EIF2AK1: variants seen among roughly 807,000 people sequenced by gnomAD.
EIF2AK1 encodes eukaryotic translation initiation factor 2-alpha kinase 1.
EIF2AK1 carries 54 observed loss-of-function variants against 77.9 expected under a neutral mutation model. The observed-to-expected ratio is 0.69, with a 90% CI of 0.56 to 0.87. EIF2AK1 has a LOEUF of 0.87. Among genes scored for constraint, EIF2AK1 ranks in the 40% least tolerant of loss-of-function variants. The pLI is 0.00. For synonymous variants in EIF2AK1, 314 were observed against 290.5 expected, an observed-to-expected ratio of 1.08 and a Z score of -0.82; for missense variants, 810 against 768.6, an observed-to-expected ratio of 1.05 and a Z score of -0.64.
rs776582014 is a variant in EIF2AK1, at chr7:6,037,429, G to A, written c.1327C>T (p.Leu443=). The part of the protein sequence containing the change: ...IHNMGIVHRD[L]KPRNIFLHGP... ...ATTTCATCGCCCCCACTTACCTTCAGATCTCGGTGCACAATTCCCATGTTA... is the reference window on the plus strand; with the variant it reads ...ATTTCATCGCCCCCACTTACCTTCAAATCTCGGTGCACAATTCCCATGTTA... The change falls in exon 11 of 15, where the codon CTG becomes TTG. Residue 443 remains leucine (L), a synonymous_variant. Transcript: ENST00000199389. The A allele has an allele frequency of 6.2e-7, 1 of 1,605,878 alleles. No individual in the cohort carries two copies. Among genetic ancestry groups the A allele is most frequent in the Non-Finnish European group, 8.5e-7 (1 of 1,175,036 alleles).
intron 6 of EIF2AK1, among the ~76,000 whole-genome samples, chr7:6,045,284 T>G (rs1323274921): frequency 1.3e-5 from 2 of 151,992 alleles, no homozygotes; most frequent in African/African-American, 2.4e-5. Flanking sequence ...TTTTGTGTTT[T>G]TAGTAGAGAC....
intron 10 of EIF2AK1, among the ~76,000 whole-genome samples, 182 bp from the exon 11 acceptor site, chr7:6,037,706 T>C (rs753482405): frequency 1.1e-4 from 17 of 152,062 alleles, no homozygotes; most frequent in Non-Finnish European, 2.1e-4. Context: ...CTTCCTCAGC[T>C]GGCAAAGAAA....
intron 3 of EIF2AK1, among the ~76,000 whole-genome samples, chr7:6,049,263 G>A (rs1246524323): frequency 6.6e-6 from 1 of 152,044 alleles, no homozygotes; most frequent in Non-Finnish European, 1.5e-5. Context: ...CCATAAATTA[G>A]GTAGGGCGCG....
At chr7:6,037,347 A>G in intron 11 of EIF2AK1, 77 bp downstream of exon 11, 1 of 885,048 alleles carries the variant, frequency 1.1e-6, no homozygotes, top group East Asian at 2.4e-5. Context: ...AATCTTATTT[A>G]GTTTAATCAA....
Position 6,024,549 on chromosome 7 carries a change from C to G in EIF2AK1, c.*124G>C. The G allele has an allele frequency of 6.6e-7, 1 of 1,509,938 alleles. No homozygotes were observed. The allele number at this position is 1,509,938 out of a possible 1,614,324, so 93.5% of individuals were successfully genotyped here. On this transcript the variant is annotated 3_prime_UTR_variant, in exon 15 of 15. Coordinates refer to ENST00000199389, the MANE Select transcript of EIF2AK1 (RefSeq NM_014413.4). ...AGGGAAGGAACGGCAGCTTGGGGCACTCTGACATCTTTAACAAGTCTTGTA... is the reference window on the plus strand; with the variant it reads ...AGGGAAGGAACGGCAGCTTGGGGCAGTCTGACATCTTTAACAAGTCTTGTA...
Position 6,038,643 on chromosome 7 carries a change from T to A in EIF2AK1, c.1148A>T (p.Gln383Leu). 1 of 1,613,134 alleles carries A rather than the reference T, an allele frequency of 6.2e-7. No individual in the cohort carries two copies. Among genetic ancestry groups the A allele is most frequent in the African/African-American group, 1.3e-5 (1 of 74,982 alleles). Reference protein sequence around the residue: ...EAQYHLMLHIQMQLCELSLWD... With the variant: ...EAQYHLMLHILMQLCELSLWD... ...CAGCGAGAGCTCACACAGCTGCATC[T>A]GGATGTGCAGCATCAGGTGGTACTG... Residue 383 changes from glutamine to leucine, a missense_variant, in exon 10 of 15, where the codon CAG (glutamine) becomes CTG (leucine). Gln to Leu is a moderately radical substitution (Grantham distance 113). This residue lies in a region of EIF2AK1 where 549 missense variants were observed against 533.7 expected (regional missense o/e 1.03). Transcript: ENST00000199389.
chr7:6,049,499 C>T (rs1051507326), intron 3 of EIF2AK1, among the ~76,000 whole-genome samples: 25 of 152,242 alleles, frequency 1.6e-4, no homozygotes, highest in East Asian at 1.5e-3. Context: ...GCCAAGATTG[C>T]GCCACTGCAC....
intron 1 of EIF2AK1, among the ~76,000 whole-genome samples, chr7:6,055,660 G>T (rs1379831973): frequency 7.4e-6 from 1 of 134,600 alleles, no homozygotes; most frequent in Non-Finnish European, 1.6e-5. Context: ...GTTTATTTAA[G>T]ACATGACTAA....
rs1251781965 is a variant in EIF2AK1, at chr7:6,027,949, G to C, written c.1530+666C>G. The C allele has an allele frequency of 6.6e-6, 3 of 454,056 alleles. No homozygotes were observed. Among genetic ancestry groups the C allele is most frequent in the Middle Eastern group, 3.5e-4 (1 of 2,844 alleles). The allele number at this position is 454,056 out of a possible 1,614,324, so 28.1% of individuals were successfully genotyped here. On this transcript the variant is annotated intron_variant, in intron 13 of 14. Coordinates refer to ENST00000199389, the MANE Select transcript of EIF2AK1 (RefSeq NM_014413.4). The surrounding 1 kb of genome is among the most constrained non-coding windows in gnomAD (Gnocchi z 4.5). ...TGGTAGCACAACTCTTGAAGTCACA[G>C]TTACATGGGAGGCTGAGGTGGGAGG...
At chr7:6,045,682 G>A (rs1788425732) in intron 6 of EIF2AK1, among the ~76,000 whole-genome samples, 1 of 149,180 alleles carries the variant, frequency 6.7e-6, no homozygotes, top group African/African-American at 2.5e-5. Flanking sequence ...TTCATAACTA[G>A]CTATATTATA....
chr7:6,054,518 T>G, intron 2 of EIF2AK1, 28 bp downstream of exon 2: 1 of 1,611,612 alleles, frequency 6.2e-7, no homozygotes, highest in Non-Finnish European at 8.5e-7. Context: ...CAAGCTTTAT[T>G]TAGCAAGATT....
chr7:6,036,744 G>C lies in EIF2AK1; in HGVS notation c.1332+680C>G, dbSNP rs116003008. 6.6e-6 allele frequency among the ~76,000 whole-genome samples: 1 copy of C among 151,814 alleles called. No individual in the cohort carries two copies. The highest frequency in any genetic ancestry group is 1.9e-4 in the East Asian group (1 of 5,194). ...TTTCTAAAACAGCAAAAAAACTTCC[G>C]ATTTTGTTAAACTTTAAGATGAATA... On this transcript the variant is annotated intron_variant, in intron 11 of 14. Coordinates refer to ENST00000199389, the MANE Select transcript of EIF2AK1 (RefSeq NM_014413.4). This position sits in a 1 kb window ranked among gnomAD's most constrained non-coding sequence, Gnocchi z 4.6.
intron 11 of EIF2AK1, among the ~76,000 whole-genome samples, chr7:6,030,388 A>G (rs1787872506): frequency 6.6e-6 from 1 of 152,228 alleles, no homozygotes; most frequent in African/African-American, 2.4e-5. Flanking sequence ...CCTGCCTACC[A>G]GACACGTGAC....
intron 10 of EIF2AK1, 151 bp from the exon 11 acceptor site, chr7:6,037,675 A>T: frequency 1.6e-6 from 1 of 630,510 alleles, no homozygotes; most frequent in Non-Finnish European, 2.8e-6. Flanking sequence ...ATGGTCTAAA[A>T]CCTAGAAATA....
rs1023390634 is a variant in EIF2AK1 at position 6,035,706 on chromosome 7, G to A, written c.1332+1718C>T. On this transcript the variant is annotated intron_variant, in intron 11 of 14. Coordinates refer to ENST00000199389, the MANE Select transcript of EIF2AK1 (RefSeq NM_014413.4). This position sits in a 1 kb window ranked among gnomAD's most constrained non-coding sequence, Gnocchi z 5.5. The stretch of plus-strand genomic sequence containing the variant: ...CTCCATTTTGACCCAAAATGGTGCC[G>A]ATGTCAATGCTATTAATGAAGCCAG... 7.1e-6 allele frequency: 11 copies of A among 1,550,578 alleles called. No individual in the cohort carries two copies. Among genetic ancestry groups the A allele is most frequent in the African/African-American group, 4.1e-5 (3 of 73,016 alleles).
At chr7:6,025,984 C>T (rs558432087) in intron 14 of EIF2AK1, among the ~76,000 whole-genome samples, 2 of 152,092 alleles carry the variant, frequency 1.3e-5, no homozygotes, top group East Asian at 3.9e-4. Context: ...TCATATTTTC[C>T]TCAGCATTTA....
At chr7:6,045,733 TTATATA>T (rs57579824) in intron 6 of EIF2AK1, among the ~76,000 whole-genome samples, 8 of 138,024 alleles carry the variant, frequency 5.8e-5, no homozygotes, top group African/African-American at 1.0e-4. Context: ...ATTTTAAAAA[TTATATA>T]TATATATATA....
Position 6,029,038 on chromosome 7 carries a change from A to G in EIF2AK1, c.1333-6T>C, listed in dbSNP as rs1202995378. On this transcript the variant is annotated splice_polypyrimidine_tract_variant and splice_region_variant and intron_variant, in intron 11 of 14. Coordinates refer to ENST00000199389, the MANE Select transcript of EIF2AK1 (RefSeq NM_014413.4). ...TGAAGAAAAATATTTCTTGGCTATC[A>G]ACAAACAAAACAAGTCAACTCCTTG... 2 of 1,593,268 alleles carry G rather than the reference A, an allele frequency of 1.3e-6. No homozygotes were observed. The highest frequency in any genetic ancestry group is 2.2e-5 in the East Asian group (1 of 44,788).
intron 8 of EIF2AK1, 97 bp from the exon 9 acceptor site, chr7:6,041,316 A>G: frequency 7.8e-7 from 1 of 1,280,170 alleles, no homozygotes; most frequent in Non-Finnish European, 1.1e-6. Flanking sequence ...AGGCGGGCAG[A>G]TCACTTAAGG....
Sources: allele counts gnomAD v4.1 joint callset (sites outside exome capture counted in the v4.1 genomes callset), GRCh38; gene constraint gnomAD v4.1.1; regional missense constraint gnomAD v4.1.1; non-coding constraint Gnocchi (gnomAD v3.1); transcripts MANE v1.5; gene names NCBI Gene and HGNC (gene_info 2026-07-23, HGNC 2026-07-21).